PBX3: variants seen among roughly 807,000 people sequenced by gnomAD.
PBX3 encodes PBX homeobox 3.
A neutral mutation model predicts 48.5 loss-of-function variants in PBX3; 14 were observed. The observed-to-expected ratio is 0.29, with a 90% CI of 0.19 to 0.45. The LOEUF (loss-of-function observed/expected upper bound fraction) is 0.45, where lower values mean the gene tolerates loss of function less well. PBX3 is among the 20% of genes least tolerant of loss of function. The pLI is 1.00. For missense variants in PBX3, 386 were observed against 546.7 expected (o/e 0.71, Z 2.93); for synonymous variants, 210 against 200.3 (o/e 1.05, Z -0.41).
rs556832395 is a variant in PBX3 at position 125,779,695 on chromosome 9, A to G, written c.274+31072A>G. Among the ~76,000 whole-genome samples the G allele has an allele frequency of 1.1e-4, 15 of 142,232 alleles. 1 individual carries two copies. Among genetic ancestry groups the G allele is most frequent in the South Asian group, 6.7e-4 (3 of 4,460 alleles). 93.3% of individuals were successfully genotyped at this position (142,232 alleles called of 152,430 possible). A position where few individuals can be genotyped will look rare whatever the true frequency, so the allele number is the denominator to read the frequency against. On this transcript the variant is annotated intron_variant, in intron 2 of 8. Transcript: ENST00000373489. The stretch of plus-strand genomic sequence containing the variant: ...GACACAGCAACCATCCGATTTCTCA[A>G]TCTTTTCCCCACCTTTTCCCCCTTT...
At chr9:125,827,840 G>C (rs923678185) in intron 2 of PBX3, among the ~76,000 whole-genome samples, 4 of 152,162 alleles carry the variant, frequency 2.6e-5, no homozygotes, top group Admixed American at 1.3e-4. Context: ...GAATAGAGTT[G>C]TTGGGTTTAT....
At chr9:125,892,022 C>A (rs906557221) in intron 2 of PBX3, among the ~76,000 whole-genome samples, 2 of 152,154 alleles carry the variant, frequency 1.3e-5, no homozygotes, top group Non-Finnish European at 2.9e-5. Flanking sequence ...CAGATTCAAG[C>A]AATTCTCCTG....
intron 2 of PBX3, among the ~76,000 whole-genome samples, chr9:125,836,313 C>T (rs1003409457): frequency 6.6e-6 from 1 of 152,078 alleles, no homozygotes; most frequent in African/African-American, 2.4e-5. Context: ...GGCGTGGTAG[C>T]GGGTGCCTGT....
At chr9:125,876,011 C>A (rs1023886986) in intron 2 of PBX3, among the ~76,000 whole-genome samples, 1 of 152,158 alleles carries the variant, frequency 6.6e-6, no homozygotes. Flanking sequence ...GGTCTACTTT[C>A]TTTCCTTAAG....
intron 2 of PBX3, among the ~76,000 whole-genome samples, chr9:125,835,715 A>G (rs1374464700): frequency 6.6e-6 from 1 of 152,174 alleles, no homozygotes; most frequent in East Asian, 1.9e-4. Flanking sequence ...AAAACATAAC[A>G]TGCTGGCAAG....
intron 2 of PBX3, among the ~76,000 whole-genome samples, chr9:125,891,484 C>T (rs1392810045): frequency 2.0e-5 from 3 of 152,186 alleles, no homozygotes; most frequent in African/African-American, 7.2e-5. Flanking sequence ...TACTTAGGTA[C>T]TTACAGCCAT....
chr9:125,946,642 A>G (rs1457012892), intron 5 of PBX3, among the ~76,000 whole-genome samples: 1 of 152,194 alleles, frequency 6.6e-6, no homozygotes, highest in African/African-American at 2.4e-5. Context: ...GACTGGAAGA[A>G]GAGTCCCAAG....
intron 2 of PBX3, among the ~76,000 whole-genome samples, chr9:125,787,710 A>G (rs1186003998): frequency 6.6e-6 from 1 of 152,194 alleles, no homozygotes; most frequent in Non-Finnish European, 1.5e-5. Context: ...TAGATGAGAA[A>G]ATGGAGGGAT....
intron 2 of PBX3, among the ~76,000 whole-genome samples, chr9:125,761,041 A>G (rs1372724953): frequency 6.6e-6 from 1 of 152,186 alleles, no homozygotes; most frequent in Non-Finnish European, 1.5e-5. Flanking sequence ...GTTTTATCAT[A>G]TTTATTTTAA....
chr9:125,842,386 A>G (rs956135113), intron 2 of PBX3, among the ~76,000 whole-genome samples: 1 of 152,192 alleles, frequency 6.6e-6, no homozygotes, highest in Non-Finnish European at 1.5e-5. Flanking sequence ...AGTTTTCTGA[A>G]CTATTACATG....
At chr9:125,754,226 C>T (rs1368913211) in intron 2 of PBX3, among the ~76,000 whole-genome samples, 1 of 152,036 alleles carries the variant, frequency 6.6e-6, no homozygotes, top group Non-Finnish European at 1.5e-5. Context: ...TTTGTTTTCT[C>T]AGCAGTCTTG....
chr9:125,933,157 T>C (rs1265562852), intron 4 of PBX3, among the ~76,000 whole-genome samples: 2 of 152,228 alleles, frequency 1.3e-5, no homozygotes, highest in African/African-American at 4.8e-5. Context: ...TTGTAGTGCC[T>C]CCCAGCAAGC....
intron 2 of PBX3, 129 bp downstream of exon 2, chr9:125,748,752 G>A (rs1222235265): frequency 1.6e-6 from 1 of 623,408 alleles, no homozygotes; most frequent in African/African-American, 1.8e-5. Flanking sequence ...TCCTTCCCAC[G>A]TCCTGATCTT....
intron 2 of PBX3, among the ~76,000 whole-genome samples, chr9:125,786,518 A>G (rs1011616463): frequency 6.6e-6 from 1 of 152,186 alleles, no homozygotes; most frequent in Non-Finnish European, 1.5e-5. Flanking sequence ...ACTCTTTTAT[A>G]TGGACAGGAG....
intron 2 of PBX3, among the ~76,000 whole-genome samples, chr9:125,794,053 A>G (rs1051944776): frequency 4.6e-5 from 7 of 152,210 alleles, no homozygotes; most frequent in Non-Finnish European, 1.0e-4. Flanking sequence ...TACAAATATG[A>G]TGTTTTCTTA....
At chr9:125,867,837 C>T (rs1258970227) in intron 2 of PBX3, among the ~76,000 whole-genome samples, 3 of 150,650 alleles carry the variant, frequency 2.0e-5, no homozygotes, top group Admixed American at 6.6e-5. Flanking sequence ...TATATATATA[C>T]ACACACACAC....
intron 2 of PBX3, among the ~76,000 whole-genome samples, chr9:125,784,983 T>A (rs999248169): frequency 6.6e-6 from 1 of 152,224 alleles, no homozygotes; most frequent in African/African-American, 2.4e-5. Flanking sequence ...CTAAGAAACA[T>A]TCTCCCTTCG....
intron 5 of PBX3, among the ~76,000 whole-genome samples, chr9:125,952,627 T>C (rs1285346478): frequency 1.3e-5 from 2 of 152,186 alleles, no homozygotes; most frequent in Non-Finnish European, 2.9e-5. Flanking sequence ...ATTTTAAGAA[T>C]TCTCAAACCT....
intron 2 of PBX3, among the ~76,000 whole-genome samples, chr9:125,870,290 A>G (rs1840089202): frequency 1.3e-5 from 2 of 152,046 alleles, no homozygotes; most frequent in Admixed American, 1.3e-4. Flanking sequence ...GCTGGTCTCA[A>G]ACTCCTGACC....
Sources: allele counts gnomAD v4.1 joint callset (sites outside exome capture counted in the v4.1 genomes callset), GRCh38; gene constraint gnomAD v4.1.1; transcripts MANE v1.5; gene names NCBI Gene and HGNC (gene_info 2026-07-23, HGNC 2026-07-21).